DCC: variants seen among roughly 807,000 people sequenced by gnomAD.
DCC encodes the protein DCC netrin 1 receptor, also known as netrin receptor DCC.
DCC carries 58 observed loss-of-function variants against 172.5 expected under a neutral mutation model. The ratio of observed to expected loss-of-function variants is 0.34; its 90% CI spans 0.27 to 0.42. DCC has a LOEUF of 0.42. DCC is among the 10% of genes least tolerant of loss of function. DCC has a pLI of 1.00. For missense variants in DCC, 1,740 were observed against 1,791.0 expected (o/e 0.97, Z 0.51); for synonymous variants, 709 against 644.5 (o/e 1.10, Z -1.52).
At chr18:52,929,026 T>C (rs2040261932) in intron 5 of DCC, among the ~76,000 whole-genome samples, 1 of 152,074 alleles carries the variant, frequency 6.6e-6, no homozygotes, top group African/African-American at 2.4e-5. Flanking sequence ...TTATCTGTCA[T>C]GTATCCTGAT....
chr18:53,261,066 G>A (rs190383307), intron 12 of DCC, among the ~76,000 whole-genome samples: 283 of 152,256 alleles, frequency 1.9e-3, no homozygotes, highest in African/African-American at 6.5e-3. Context: ...GCAGTATTAG[G>A]GTGGGAGTGA....
At chr18:52,560,828 TG>T (rs2033019084) in intron 1 of DCC, among the ~76,000 whole-genome samples, 1 of 152,218 alleles carries the variant, frequency 6.6e-6, no homozygotes, top group African/African-American at 2.4e-5. Context: ...TTACTGGATG[TG>T]ATATAAAGTA....
intron 19 of DCC, among the ~76,000 whole-genome samples, chr18:53,404,071 C>A (rs548576647): frequency 2.3e-4 from 35 of 152,196 alleles, no homozygotes; most frequent in African/African-American, 8.2e-4. Flanking sequence ...TTCCAATTTT[C>A]TTTTTTTCCC....
intron 2 of DCC, among the ~76,000 whole-genome samples, chr18:52,780,908 G>A (rs2037528347): frequency 6.6e-6 from 1 of 152,016 alleles, no homozygotes. Flanking sequence ...GAAAAGATTG[G>A]GATTGTAAGA....
At chr18:52,790,433 G>T (rs575221570) in intron 2 of DCC, among the ~76,000 whole-genome samples, 3 of 152,260 alleles carry the variant, frequency 2.0e-5, no homozygotes, top group African/African-American at 7.2e-5. Context: ...TGCATGGGAA[G>T]AGAGAGGCCA....
chr18:52,939,410 TTTA>T (rs370742708), intron 5 of DCC, among the ~76,000 whole-genome samples: 5 of 152,342 alleles, frequency 3.3e-5, no homozygotes, highest in African/African-American at 9.6e-5. Context: ...TATCTACTTG[TTTA>T]TTAACTGTTG....
chr18:53,284,096 G>A (rs1488983020), intron 12 of DCC, among the ~76,000 whole-genome samples: 1 of 152,064 alleles, frequency 6.6e-6, no homozygotes, highest in Non-Finnish European at 1.5e-5. Flanking sequence ...ATTTGCACGT[G>A]GCATTTTACT....
Position 53,015,234 on chromosome 18 carries a change from G to T in DCC, c.986-48071G>T, listed in dbSNP as rs560032893. On this transcript the variant is annotated intron_variant, in intron 5 of 28. Coordinates refer to ENST00000442544, the MANE Select transcript of DCC (RefSeq NM_005215.4). ...TTCATTCAAAAATTATTTATAGCAA[G>T]TTTAAAATATGAAAAGAACTGAAAC... is the stretch of plus-strand genomic sequence containing the variant. Among the ~76,000 whole-genome samples the T allele has an allele frequency of 7.2e-5, 11 of 152,250 alleles. No individual in the cohort carries two copies. The East Asian group carries it at 1.7e-3, about 24-fold the overall frequency.
intron 1 of DCC, among the ~76,000 whole-genome samples, chr18:52,688,124 TTC>T (rs1315589925): frequency 8.8e-6 from 1 of 113,108 alleles, no homozygotes; most frequent in African/African-American, 3.3e-5. Flanking sequence ...TTCAGGGATC[TTC>T]TTTTTTTTTT....
chr18:53,351,397 CAGTGTA>C (rs1463180465), intron 15 of DCC, among the ~76,000 whole-genome samples: 1 of 17,750 alleles, frequency 5.6e-5, no homozygotes, highest in African/African-American at 1.7e-4. Flanking sequence ...TATATATATA[CAGTGTA>C]TATATATATA....
intron 27 of DCC, 48 bp downstream of exon 27, chr18:53,499,558 C>T: frequency 6.7e-7 from 1 of 1,482,958 alleles, no homozygotes; most frequent in Non-Finnish European, 9.4e-7. Flanking sequence ...ATTATTGGTG[C>T]CTCTATTTAA....
chr18:52,990,890 C>T (rs2041378426), intron 5 of DCC, among the ~76,000 whole-genome samples: 1 of 152,078 alleles, frequency 6.6e-6, no homozygotes, highest in South Asian at 2.1e-4. Context: ...TTACATATTT[C>T]AGTGTGCCAT....
At chr18:52,502,385 C>A (rs543289143) in intron 1 of DCC, among the ~76,000 whole-genome samples, 1 of 152,260 alleles carries the variant, frequency 6.6e-6, no homozygotes, top group African/African-American at 2.4e-5. Flanking sequence ...TCATTTCTAC[C>A]AGCCTTTCCT....
At chr18:53,276,952 A>G (rs2056813232) in intron 12 of DCC, among the ~76,000 whole-genome samples, 1 of 152,098 alleles carries the variant, frequency 6.6e-6, no homozygotes, top group African/African-American at 2.4e-5. Flanking sequence ...AAAAATAGTC[A>G]CCAAGAGAGG....
chr18:52,848,268 G>A (rs2038926314), intron 2 of DCC, among the ~76,000 whole-genome samples: 1 of 151,754 alleles, frequency 6.6e-6, no homozygotes, highest in Non-Finnish European at 1.5e-5. Flanking sequence ...TATATATTTG[G>A]TAAAGATGGG....
intron 5 of DCC, among the ~76,000 whole-genome samples, chr18:53,043,599 C>G (rs1342578105): frequency 6.6e-6 from 1 of 151,798 alleles, no homozygotes; most frequent in Non-Finnish European, 1.5e-5. Flanking sequence ...TTTAAACGGC[C>G]AAGAACTTCA....
intron 25 of DCC, among the ~76,000 whole-genome samples, chr18:53,482,171 G>A (rs1452828497): frequency 6.6e-6 from 1 of 152,058 alleles, no homozygotes; most frequent in Admixed American, 6.6e-5. Flanking sequence ...CTTACTTTAA[G>A]AATGATTATT....
At position 52,441,990 on chromosome 18, in the gene DCC, G is replaced by T. The variant is rs956579735; in HGVS notation, c.91+101112G>T. On this transcript the variant is annotated intron_variant, in intron 1 of 28. Transcript: ENST00000442544. ...ATAAACCATAGTCATCCATCATAGA[G>T]AAGTAGCTTGTGCCTGATAAAAGGC... 2.6e-5 allele frequency among the ~76,000 whole-genome samples: 4 copies of T among 152,154 alleles called. No individual in the cohort carries two copies. The East Asian group carries it at 7.7e-4, about 29-fold the overall frequency.
chr18:53,037,936 GTA>G (rs1379752709), intron 5 of DCC, among the ~76,000 whole-genome samples: 2 of 151,866 alleles, frequency 1.3e-5, no homozygotes, highest in African/African-American at 2.4e-5. Flanking sequence ...TAACAGAAGA[GTA>G]AAAATAAGCA....
Sources: allele counts gnomAD v4.1 joint callset (sites outside exome capture counted in the v4.1 genomes callset), GRCh38; gene constraint gnomAD v4.1.1; transcripts MANE v1.5; gene names NCBI Gene and HGNC (gene_info 2026-07-23, HGNC 2026-07-21).